The following NBPF12 variants were observed in gnomAD, a reference collection of about 807,000 sequenced individuals.
NBPF12 encodes NBPF family member NBPF12.
Under a neutral mutation model 146.4 loss-of-function variants are expected in NBPF12, and 115 were observed. The ratio of observed to expected loss-of-function variants is 0.79; its 90% CI spans 0.68 to 0.92. NBPF12 has a LOEUF of 0.92. Ranked by LOEUF, NBPF12 falls within the 40% of genes least tolerant of loss-of-function variation. The probability of loss-of-function intolerance (pLI) is 0.00; values close to 1 mark genes in which losing one functional copy is unlikely to be tolerated. For missense variants in NBPF12, 1,205 were observed against 1,326.8 expected (o/e 0.91, Z 1.43); for synonymous variants, 385 against 508.9 (o/e 0.76, Z 3.28).
intron 18 of NBPF12, among the ~76,000 whole-genome samples, chr1:146,978,379 C>A (rs1199129303): frequency 6.2e-5 from 9 of 145,956 alleles, no homozygotes; most frequent in African/African-American, 2.0e-4. Flanking sequence ...ATTCTCCTGC[C>A]TCAGCCTCCT....
rs1173928444 is a variant in NBPF12, at chr1:146,971,334, C to G, written c.1531C>G (p.Leu511Val). The G allele has an allele frequency of 1.2e-5, 19 of 1,612,076 alleles. 1 individual carries two copies. In the East Asian group the frequency reaches 1.3e-4, roughly 11 times the overall value. The change falls in exon 13 of 34, where the codon CTG (leucine) becomes GTG (valine). Residue 511 changes from leucine to valine, a missense_variant. Transcript: ENST00000617844. ...TGAGGAAGACAAAGTCAACTCATCT[C>G]TGGTTGTAGACAGAGAATCCTCTCA...
At chr1:146,963,295 A>G (rs1476523764) in exon 6 of NBPF12, 2 of 1,611,906 alleles carry the variant, frequency 1.2e-6, no homozygotes, top group Non-Finnish European at 1.7e-6. Context: ...CAACTTGTCC[A>G]AAAGCTCAGC....
At chr1:146,994,705 C>A in exon 34 of NBPF12, 5 of 1,459,344 alleles carry the variant, frequency 3.4e-6, no homozygotes, top group Non-Finnish European at 4.6e-6. Context: ...GGCTCTATTC[C>A]TATTCTCAGA....
chr1:146,946,549 G>GT (rs1655082811), upstream of NBPF12, among the ~76,000 whole-genome samples: 1 of 34,230 alleles, frequency 2.9e-5, no homozygotes, highest in African/African-American at 1.2e-4. Flanking sequence ...GCTTTGTGTT[G>GT]TTTAGTTCTC....
chr1:146,946,567 T>C (rs1161898480), upstream of NBPF12, among the ~76,000 whole-genome samples: 16 of 141,416 alleles, frequency 1.1e-4, no homozygotes, highest in Non-Finnish European at 2.4e-4. Context: ...CTCAGAATTC[T>C]TCATATATTT....
chr1:146,987,761 C>T (rs1254147274), intron 25 of NBPF12, among the ~76,000 whole-genome samples, 193 bp from the exon 29 acceptor site: 26 of 133,700 alleles, frequency 1.9e-4, no homozygotes, highest in Non-Finnish European at 3.1e-4. Flanking sequence ...GTGTGTGTGT[C>T]TGTCTTTCTC....
chr1:146,945,276 G>A (rs2101812640), upstream of NBPF12, among the ~76,000 whole-genome samples: 1 of 151,510 alleles, frequency 6.6e-6, no homozygotes, highest in African/African-American at 2.4e-5. Flanking sequence ...AGCTCATCCT[G>A]TAGCCCTTAG....
At chr1:146,969,231 T>G in intron 10 of NBPF12, 151 bp from the exon 14 acceptor site, 1 of 1,072,708 alleles carries the variant, frequency 9.3e-7, no homozygotes, top group Admixed American at 1.8e-5. Flanking sequence ...TTTCTCTTCT[T>G]TCTCTTGGCC....
intron 8 of NBPF12, among the ~76,000 whole-genome samples, chr1:146,965,626 CAAAAAAA>C (rs1271486549): frequency 8.5e-6 from 1 of 117,984 alleles, no homozygotes; most frequent in African/African-American, 3.3e-5. Flanking sequence ...ACTAAAAATA[CAAAAAAA>C]AAAAAAAAAT....
chr1:146,963,864 G>A (rs1239100835), intron 6 of NBPF12, among the ~76,000 whole-genome samples: 2 of 145,916 alleles, frequency 1.4e-5, no homozygotes, highest in Non-Finnish European at 3.0e-5. Context: ...GGTAGGAAGT[G>A]CTTCACACTG....
intron 9 of NBPF12, among the ~76,000 whole-genome samples, chr1:146,966,916 G>C (rs1570850628): frequency 1.3e-5 from 2 of 150,192 alleles, no homozygotes; most frequent in East Asian, 1.9e-4. Context: ...ATTGATTTCT[G>C]ACACCGGCAC....
chr1:146,994,279 C>T (rs587688117), intron 33 of NBPF12, 53 bp from the exon 37 acceptor site: 151 of 1,610,940 alleles, frequency 9.4e-5, no homozygotes, highest in Non-Finnish European at 1.2e-4. Context: ...TAGTGAGGCT[C>T]TGTGGTGTCT....
upstream of NBPF12, among the ~76,000 whole-genome samples, chr1:146,948,354 T>C (rs2101818317): frequency 6.6e-6 from 1 of 151,888 alleles, no homozygotes; most frequent in South Asian, 2.1e-4. Context: ...ACTGTGTCTG[T>C]GTAGGAAGAA....
At chr1:146,943,394 C>T (rs1654889488) in exon 2 of NBPF12, 1 of 414,290 alleles carries the variant, frequency 2.4e-6, no homozygotes, top group Non-Finnish European at 4.3e-6. Context: ...ATGTCTGGAG[C>T]TTCAGTGCTG....
chr1:146,994,793 G>A lies in NBPF12; in HGVS notation c.*218G>A, dbSNP rs1458732982. The stretch of plus-strand genomic sequence containing the variant: ...TGTGACACGTTCACATAACTGTGCA[G>A]CACATGCCGGGAGTGATCAGCCGGA... On this transcript the variant is annotated 3_prime_UTR_variant, in exon 34 of 34. Transcript: ENST00000617844. The A allele has an allele frequency of 1.6e-4, 132 of 837,410 alleles. No homozygotes were observed. In the Middle Eastern group the frequency reaches 3.1e-3, roughly 20 times the overall value. 51.9% of individuals were successfully genotyped at this position (837,410 alleles called of 1,614,324 possible).
intron 14 of NBPF12, among the ~76,000 whole-genome samples, chr1:146,974,533 G>C (rs1304841816): frequency 1.6e-5 from 2 of 121,456 alleles, no homozygotes; most frequent in Admixed American, 9.6e-5. Context: ...GTGCCCTTGA[G>C]GTTCTCTTTC....
intron 2 of NBPF12, among the ~76,000 whole-genome samples, chr1:146,956,387 G>C (rs1270225123): frequency 6.6e-6 from 1 of 151,952 alleles, no homozygotes; most frequent in African/African-American, 2.4e-5. Flanking sequence ...AGAAACTTTG[G>C]GGCATAGGGA....
chr1:146,965,626 C>CAAA (rs1271486549), intron 8 of NBPF12, among the ~76,000 whole-genome samples: 13 of 117,974 alleles, frequency 1.1e-4, no homozygotes, highest in African/African-American at 3.7e-4. Flanking sequence ...ACTAAAAATA[C>CAAA]AAAAAAAAAA....
rs1357448164 is a variant in NBPF12 at position 146,975,202 on chromosome 1, C to T, written c.1904+361C>T. On this transcript the variant is annotated intron_variant, in intron 15 of 33. Coordinates refer to ENST00000617844, the Ensembl canonical transcript of NBPF12. ...GTGAGAATCACCTCCTGACTGACTGCGGCTTCTCATTCTTTCACTCAATCA... is the reference window on the plus strand; with the variant it reads ...GTGAGAATCACCTCCTGACTGACTGTGGCTTCTCATTCTTTCACTCAATCA... Among the ~76,000 whole-genome samples the T allele has an allele frequency of 2.0e-4, 27 of 137,522 alleles. 1 individual carries two copies. Among genetic ancestry groups the T allele is most frequent in the Non-Finnish European group, 3.5e-4 (23 of 65,522 alleles). 90.2% of individuals were successfully genotyped at this position (137,522 alleles called of 152,430 possible).
Sources: allele counts gnomAD v4.1 joint callset (sites outside exome capture counted in the v4.1 genomes callset), GRCh38; gene constraint gnomAD v4.1.1; transcripts MANE v1.5; gene names NCBI Gene and HGNC (gene_info 2026-07-23, HGNC 2026-07-21).